MYO1B: variants seen among roughly 807,000 people sequenced by gnomAD.
The protein encoded by MYO1B is myosin IB.
A neutral mutation model predicts 159.7 loss-of-function variants in MYO1B; 72 were observed. That is an observed-to-expected ratio of 0.45 (90% CI 0.37 to 0.55). The LOEUF is 0.55. Ranked by LOEUF, MYO1B falls within the 20% of genes least tolerant of loss-of-function variation. The pLI, the probability that MYO1B is intolerant of heterozygous loss-of-function variation, is 0.00. For synonymous variants in MYO1B, 468 were observed against 473.8 expected (o/e 0.99, Z 0.16); for missense variants, 1,062 against 1,364.8 (o/e 0.78, Z 3.50).
intron 1 of MYO1B, among the ~76,000 whole-genome samples, chr2:191,248,804 T>C (rs1685944122): frequency 6.6e-6 from 1 of 152,158 alleles, no homozygotes; most frequent in Non-Finnish European, 1.5e-5. Context: ...TGGTATGATG[T>C]ATTTTAATAA....
chr2:191,290,546 A>G (rs1174309289), intron 2 of MYO1B, among the ~76,000 whole-genome samples: 1 of 152,356 alleles, frequency 6.6e-6, no homozygotes, highest in African/African-American at 2.4e-5. Flanking sequence ...AAAAATATCA[A>G]TGTATCACAT....
At chr2:191,309,373 G>A (rs1319698407) in intron 3 of MYO1B, among the ~76,000 whole-genome samples, 8 of 152,108 alleles carry the variant, frequency 5.3e-5, no homozygotes, top group Admixed American at 4.6e-4. Flanking sequence ...CTTGGATTAT[G>A]TTGGTGGCCT....
At chr2:191,410,999 A>G (rs1159440991) in intron 26 of MYO1B, 67 bp from the exon 27 acceptor site, 1 of 925,918 alleles carries the variant, frequency 1.1e-6, no homozygotes, top group Non-Finnish European at 1.6e-6. Context: ...GTCTTAGCAT[A>G]TTTAAGAATG....
intron 13 of MYO1B, among the ~76,000 whole-genome samples, chr2:191,374,894 A>G (rs1485897605): frequency 1.3e-5 from 2 of 152,364 alleles, no homozygotes; most frequent in Non-Finnish European, 1.5e-5. Context: ...TATCCATAAA[A>G]GAACTGCTAT....
At chr2:191,334,660 G>A (rs913121150) in intron 4 of MYO1B, among the ~76,000 whole-genome samples, 5 of 151,956 alleles carry the variant, frequency 3.3e-5, no homozygotes, top group South Asian at 4.2e-4. Flanking sequence ...AATGGACAGC[G>A]CTTCCCAGGG....
At chr2:191,375,784 C>A (rs181395104) in intron 13 of MYO1B, among the ~76,000 whole-genome samples, 1 of 151,948 alleles carries the variant, frequency 6.6e-6, no homozygotes, top group African/African-American at 2.4e-5. Flanking sequence ...CATGGTGAAA[C>A]CCCGTCTCTA....
intron 3 of MYO1B, among the ~76,000 whole-genome samples, chr2:191,329,583 A>G (rs1203408561): frequency 6.7e-6 from 1 of 148,392 alleles, no homozygotes; most frequent in African/African-American, 2.4e-5. Flanking sequence ...ATAAATAAAT[A>G]AATTATTTAT....
At chr2:191,340,861 G>A (rs1692176575) in intron 4 of MYO1B, among the ~76,000 whole-genome samples, 1 of 151,970 alleles carries the variant, frequency 6.6e-6, no homozygotes. Context: ...AAGTAGTTGG[G>A]ACTACAGGCA....
At chr2:191,294,405 T>A (rs1036972912) in intron 2 of MYO1B, among the ~76,000 whole-genome samples, 8 of 152,246 alleles carry the variant, frequency 5.3e-5, no homozygotes, top group African/African-American at 1.9e-4. Context: ...TTGATTTTTT[T>A]AACCAATAGA....
chr2:191,350,990 C>T (rs1692881963), intron 7 of MYO1B, among the ~76,000 whole-genome samples: 1 of 151,988 alleles, frequency 6.6e-6, no homozygotes, highest in African/African-American at 2.4e-5. Flanking sequence ...CCCTGCTCCT[C>T]TTGACTCGTG....
intron 30 of MYO1B, among the ~76,000 whole-genome samples, chr2:191,422,362 C>T (rs1405545598): frequency 6.6e-6 from 1 of 152,130 alleles, no homozygotes; most frequent in Non-Finnish European, 1.5e-5. Flanking sequence ...TCATCATATA[C>T]AGTTGGGGGT....
intron 1 of MYO1B, 92 bp downstream of exon 1, chr2:191,245,718 CG>C (rs2125632297): frequency 6.6e-6 from 1 of 152,390 alleles, no homozygotes; most frequent in South Asian, 2.1e-4. Context: ...TTTGTGCCCG[CG>C]GTCCCTGGCC....
chr2:191,402,854 A>G (rs1034183887), intron 24 of MYO1B, 136 bp downstream of exon 24: 1 of 628,062 alleles, frequency 1.6e-6, no homozygotes, highest in Non-Finnish European at 2.6e-6. Flanking sequence ...TTAATTTTGT[A>G]CCTTTTTCAG....
chr2:191,360,844 C>A, intron 8 of MYO1B, 115 bp downstream of exon 8: 1 of 677,254 alleles, frequency 1.5e-6, no homozygotes. Flanking sequence ...TGAGCTCAAG[C>A]GATTCTCCTG....
intron 22 of MYO1B, 26 bp from the exon 23 acceptor site, chr2:191,400,723 G>T: frequency 6.2e-7 from 1 of 1,612,002 alleles, no homozygotes; most frequent in Non-Finnish European, 8.5e-7. Flanking sequence ...AAACTTTTCT[G>T]TAACTCCTTT....
In MYO1B at chr2:191,411,119, G is replaced by A. The variant is rs202015648; in HGVS notation, c.2820G>A (p.Glu940=). Residue 940 remains glutamate (E), a synonymous_variant, in exon 27 of 31, where the codon GAG becomes GAA. Transcript: ENST00000392318. ...ACCAGCAGAAACTTATTTATGAAGAGAAACTAGAAGCCAGTGAACTCTTCA... is the reference window on the plus strand; with the variant it reads ...ACCAGCAGAAACTTATTTATGAAGAAAAACTAGAAGCCAGTGAACTCTTCA... The part of the protein sequence containing the change: ...FTDQQKLIYE[E]KLEASELFKD... 6.2e-7 allele frequency: 1 copy of A among 1,612,524 alleles called. No homozygotes were observed. Among genetic ancestry groups the A allele is most frequent in the Non-Finnish European group, 8.5e-7 (1 of 1,179,400 alleles).
chr2:191,284,988 A>T (rs917930997), intron 2 of MYO1B, among the ~76,000 whole-genome samples: 1 of 151,978 alleles, frequency 6.6e-6, no homozygotes, highest in Non-Finnish European at 1.5e-5. Context: ...TTCCCTGCCT[A>T]CTTCTTTCCC....
intron 15 of MYO1B, 63 bp downstream of exon 15, chr2:191,383,405 T>G (rs537678740): frequency 3.9e-5 from 32 of 827,554 alleles, no homozygotes; most frequent in Non-Finnish European, 5.6e-5. Context: ...CTTATAAATG[T>G]TCTCAGTGCC....
At chr2:191,388,226 G>C (rs761489795) in intron 17 of MYO1B, 1 of 150,698 alleles carries the variant, frequency 6.6e-6, no homozygotes, top group African/African-American at 2.4e-5. Flanking sequence ...GCAGTGAGCC[G>C]AGGTCACGCC....
Sources: allele counts gnomAD v4.1 joint callset (sites outside exome capture counted in the v4.1 genomes callset), GRCh38; gene constraint gnomAD v4.1.1; transcripts MANE v1.5; gene names NCBI Gene and HGNC (gene_info 2026-07-23, HGNC 2026-07-21).